The following ASH1L variants were observed in gnomAD, a reference collection of about 807,000 sequenced individuals.
ASH1L encodes the protein ASH1 like histone lysine methyltransferase, also known as histone-lysine N-methyltransferase ASH1L.
A neutral mutation model predicts 269.0 loss-of-function variants in ASH1L; 23 were observed. The ratio of observed to expected loss-of-function variants is 0.09; its 90% CI spans 0.06 to 0.12. The LOEUF (loss-of-function observed/expected upper bound fraction) is 0.12. ASH1L is among the 10% of genes least tolerant of loss of function. The pLI is 1.00. For missense variants in ASH1L, 2,912 were observed against 3,567.8 expected, an observed-to-expected ratio of 0.82 and a Z score of 4.68; for synonymous variants, 1,187 against 1,253.5, an observed-to-expected ratio of 0.95 and a Z score of 1.12.
intron 15 of ASH1L, among the ~76,000 whole-genome samples, chr1:155,356,571 CTTGCAGTGAGCCGAGA>C (rs1477552383): frequency 2.0e-5 from 3 of 149,916 alleles, no homozygotes; most frequent in Non-Finnish European, 4.4e-5. Flanking sequence ...GGAGGCGGAG[CTTGCAGTGAGCCGAGA>C]TTGCACCACT....
intron 10 of ASH1L, among the ~76,000 whole-genome samples, chr1:155,374,350 T>C (rs1054708291): frequency 2.0e-5 from 3 of 151,612 alleles, no homozygotes; most frequent in South Asian, 4.2e-4. Flanking sequence ...AAGTGAAAAG[T>C]TTTGTAAAGA....
At chr1:155,532,609 G>C (rs1380762993) in intron 1 of ASH1L, among the ~76,000 whole-genome samples, 2 of 151,872 alleles carry the variant, frequency 1.3e-5, no homozygotes, top group African/African-American at 2.4e-5. Context: ...GATCACCTGA[G>C]GTCAGGAGTT....
At chr1:155,532,296 T>A (rs921760764) in intron 1 of ASH1L, among the ~76,000 whole-genome samples, 1 of 152,198 alleles carries the variant, frequency 6.6e-6, no homozygotes, top group African/African-American at 2.4e-5. Context: ...AGAAAATTAC[T>A]AACCATATGT....
intron 1 of ASH1L, among the ~76,000 whole-genome samples, chr1:155,530,253 A>G (rs1177063080): frequency 6.6e-6 from 1 of 152,074 alleles, no homozygotes; most frequent in Non-Finnish European, 1.5e-5. Context: ...TGTACTATAT[A>G]TTTGTTGTGT....
chr1:155,426,122 T>C (rs533097868), intron 5 of ASH1L, among the ~76,000 whole-genome samples: 3 of 152,020 alleles, frequency 2.0e-5, no homozygotes, highest in Non-Finnish European at 4.4e-5. Context: ...TGGAGTGCAA[T>C]GGCACGATCT....
chr1:155,513,571 CAA>C (rs767517719), intron 2 of ASH1L, among the ~76,000 whole-genome samples: 108 of 82,904 alleles, frequency 1.3e-3, no homozygotes, highest in Admixed American at 2.3e-3. Context: ...GATCCTGTAT[CAA>C]AAAAAAAAAA....
At chr1:155,439,117 T>C (rs1047141508) in intron 4 of ASH1L, 49 bp from the exon 5 acceptor site, 1 of 1,532,064 alleles carries the variant, frequency 6.5e-7, no homozygotes, top group Non-Finnish European at 8.8e-7. Flanking sequence ...CACGGCTAGT[T>C]ATTTAAATAA....
At chr1:155,458,718 A>C (rs1664054534) in intron 4 of ASH1L, among the ~76,000 whole-genome samples, 1 of 105,162 alleles carries the variant, frequency 9.5e-6, no homozygotes. Flanking sequence ...CTCATCTCAA[A>C]ACCAACCAAC....
intron 2 of ASH1L, among the ~76,000 whole-genome samples, chr1:155,497,572 C>T (rs1310445150): frequency 1.3e-5 from 2 of 152,008 alleles, no homozygotes; most frequent in Admixed American, 6.6e-5. Context: ...TGTTAACAGG[C>T]TATGTTATCG....
chr1:155,398,475 T>A (rs1658548527), intron 6 of ASH1L, among the ~76,000 whole-genome samples: 1 of 152,046 alleles, frequency 6.6e-6, no homozygotes, highest in African/African-American at 2.4e-5. Flanking sequence ...TTTCTAAACA[T>A]AAGAAAGATA....
chr1:155,547,799 C>T (rs1442674817), intron 1 of ASH1L, among the ~76,000 whole-genome samples: 3 of 151,858 alleles, frequency 2.0e-5, no homozygotes, highest in African/African-American at 4.8e-5. Flanking sequence ...GGTGAAACCC[C>T]GCCTCTACTA....
At chr1:155,364,961 G>A (rs1428590909) in intron 12 of ASH1L, among the ~76,000 whole-genome samples, 7 of 149,090 alleles carry the variant, frequency 4.7e-5, no homozygotes, top group African/African-American at 1.5e-4. Flanking sequence ...CTGCGCCTAT[G>A]GAGTAGCCAT....
intron 2 of ASH1L, among the ~76,000 whole-genome samples, chr1:155,517,606 G>A (rs1668577805): frequency 6.6e-6 from 1 of 151,380 alleles, no homozygotes; most frequent in African/African-American, 2.4e-5. Context: ...TCATGCCACT[G>A]TACTCCAGCC....
chr1:155,341,337 T>C lies in ASH1L; in HGVS notation c.8460+599A>G, dbSNP rs186491761. On this transcript the variant is annotated intron_variant, in intron 25 of 27. Transcript: ENST00000392403. ...GACCACAGGCACCTGCCACCACACC[T>C]GGCTAATTTGTTGTATTTTTAGTAG... is the stretch of plus-strand genomic sequence containing the variant. Among the ~76,000 whole-genome samples the C allele has an allele frequency of 8.1e-4, 123 of 152,226 alleles. 1 individual carries two copies. Among genetic ancestry groups the C allele is most frequent in the Non-Finnish European group, 1.1e-3 (74 of 67,996 alleles).
rs12406331 is a variant in ASH1L at position 155,387,245 on chromosome 1, A to T, written c.6104-7129T>A. Among the ~76,000 whole-genome samples the T allele has an allele frequency of 1.7e-3, 261 of 152,268 alleles. 2 individuals are homozygous for T. Among genetic ancestry groups the T allele is most frequent in the Admixed American group, 0.013 (204 of 15,282 alleles). On this transcript the variant is annotated intron_variant, in intron 7 of 27. Coordinates refer to ENST00000392403, the MANE Select transcript of ASH1L (RefSeq NM_018489.3). The stretch of plus-strand genomic sequence containing the variant: ...TGCCTCAGCCTCCCAAAGTGCTGGG[A>T]TTACAGGCGTGAGCCACCACGCCTG...
intron 1 of ASH1L, among the ~76,000 whole-genome samples, chr1:155,539,340 C>A (rs1443810085): frequency 1.3e-5 from 2 of 152,076 alleles, no homozygotes; most frequent in African/African-American, 4.8e-5. Context: ...TCCAAAAAAA[C>A]CAACAATTCT....
At chr1:155,518,804 C>T (rs550411784) in intron 2 of ASH1L, among the ~76,000 whole-genome samples, 12 of 109,712 alleles carry the variant, frequency 1.1e-4, no homozygotes, top group Middle Eastern at 4.8e-3. Flanking sequence ...AGAGGGGAGA[C>T]GGGGAGAGGA....
At chr1:155,545,227 T>G (rs1670723912) in intron 1 of ASH1L, among the ~76,000 whole-genome samples, 1 of 130,170 alleles carries the variant, frequency 7.7e-6, no homozygotes, top group African/African-American at 2.8e-5. Context: ...TACTTATCAA[T>G]TTGGTTGAAA....
intron 6 of ASH1L, among the ~76,000 whole-genome samples, chr1:155,406,006 C>A (rs1659252476): frequency 6.6e-6 from 1 of 151,532 alleles, no homozygotes; most frequent in South Asian, 2.1e-4. Context: ...GAGTTCGAGA[C>A]CAGCCTGGCC....
Sources: allele counts gnomAD v4.1 joint callset (sites outside exome capture counted in the v4.1 genomes callset), GRCh38; gene constraint gnomAD v4.1.1; transcripts MANE v1.5; gene names NCBI Gene and HGNC (gene_info 2026-07-23, HGNC 2026-07-21).